LTA4H: variants seen among roughly 807,000 people sequenced by gnomAD.
LTA4H encodes the protein leukotriene A4 hydrolase.
In LTA4H, 59 loss-of-function variants were observed where a neutral mutation model predicts 89.8. The observed-to-expected ratio is 0.66, with a 90% CI of 0.53 to 0.82. LTA4H has a LOEUF of 0.82. Ranked by LOEUF, LTA4H falls within the 40% of genes least tolerant of loss-of-function variation. LTA4H has a pLI of 0.00. For missense variants in LTA4H, 617 were observed against 727.0 expected, an observed-to-expected ratio of 0.85 and a Z score of 1.74; for synonymous variants, 227 against 253.1, an observed-to-expected ratio of 0.90 and a Z score of 0.98.
intron 3 of LTA4H, 131 bp from the exon 4 acceptor site, chr12:96,024,678 T>C (rs1180997280): frequency 1.8e-6 from 1 of 563,344 alleles, no homozygotes; most frequent in East Asian, 3.4e-5. Flanking sequence ...GATTTTTTTT[T>C]TTTTTTTGAG....
At chr12:96,007,701 C>G (rs1446868764) in intron 15 of LTA4H, among the ~76,000 whole-genome samples, 1 of 152,222 alleles carries the variant, frequency 6.6e-6, no homozygotes. Flanking sequence ...CATTATCCAC[C>G]TTAACTGCTG....
chr12:96,021,577 G>A (rs1395963523), intron 5 of LTA4H, among the ~76,000 whole-genome samples: 2 of 151,754 alleles, frequency 1.3e-5, no homozygotes, highest in Non-Finnish European at 2.9e-5. Context: ...AGAGTTACCC[G>A]GCAATAAGTA....
rs754586557 is a variant in LTA4H at position 96,022,109 on chromosome 12, C to G, written c.585+38G>C. The stretch of plus-strand genomic sequence containing the variant: ...TGTGTACAAGCTAACTGTAGTTTAC[C>G]GCCAATGAAAACAAAAATCTAGACC... On this transcript the variant is annotated intron_variant, in intron 5 of 18. Coordinates refer to ENST00000228740, the MANE Select transcript of LTA4H (RefSeq NM_000895.3). This position sits in a 1 kb window ranked among gnomAD's most constrained non-coding sequence, Gnocchi z 4.0. The G allele has an allele frequency of 1.5e-6, 2 of 1,369,352 alleles. No individual in the cohort carries two copies. The highest frequency in any genetic ancestry group is 1.7e-5 in the Admixed American group (1 of 58,396). The allele number at this position is 1,369,352 out of a possible 1,614,324, so 84.8% of individuals were successfully genotyped here.
chr12:96,012,072 TGATAAC>T (rs2136879446), intron 14 of LTA4H: 1 of 152,404 alleles, frequency 6.6e-6, no homozygotes, highest in African/African-American at 2.4e-5. Context: ...CCACAGCCTA[TGATAAC>T]CAGGACTGCC....
At chr12:96,032,334 C>T (rs1279788221) in intron 1 of LTA4H, among the ~76,000 whole-genome samples, 3 of 152,208 alleles carry the variant, frequency 2.0e-5, no homozygotes, top group Admixed American at 6.5e-5. Flanking sequence ...CTCCTGATTC[C>T]GCACTGGCAC....
At position 96,006,322 on chromosome 12, in the gene LTA4H, G is replaced by C; in HGVS notation, c.1522C>G (p.Leu508Val). 6.2e-7 allele frequency: 1 copy of C among 1,604,352 alleles called. No homozygotes were observed. Among genetic ancestry groups the C allele is most frequent in the Non-Finnish European group, 8.5e-7 (1 of 1,173,192 alleles). ...TTTGAGCTAGTACTTACCCTCTGGA[G>C]CGTCTGTGCTAAAAACTCATTCAAT... is the stretch of plus-strand genomic sequence containing the variant. ...HQLNEFLAQT[L>V]QRAPLPLGHI... Residue 508 changes from leucine to valine, a missense_variant, in exon 16 of 19, where the codon CTC (leucine) becomes GTC (valine). By Grantham distance (32) the Leu-to-Val change is conservative (BLOSUM62 1). Around this residue, in one of 3 missense-constraint regions of LTA4H, gnomAD observed 290 missense variants for 339.1 expected, o/e 0.86. Coordinates refer to ENST00000228740, the MANE Select transcript of LTA4H (RefSeq NM_000895.3).
At chr12:96,038,847 C>T (rs1021020850), upstream of LTA4H, among the ~76,000 whole-genome samples, 1 of 149,530 alleles carries the variant, frequency 6.7e-6, no homozygotes. Flanking sequence ...TATTGATTAC[C>T]AGGAACCCAC....
chr12:96,012,838 A>G (rs1234092678), intron 14 of LTA4H: 2 of 188,826 alleles, frequency 1.1e-5, no homozygotes, highest in Non-Finnish European at 2.2e-5. Context: ...AACCTAACTT[A>G]CCTCCTTGGG....
upstream of LTA4H, among the ~76,000 whole-genome samples, chr12:96,036,052 C>T (rs1007454963): frequency 3.9e-5 from 6 of 152,324 alleles, no homozygotes; most frequent in East Asian, 5.8e-4. Flanking sequence ...GTATCCCCGC[C>T]TGTCACGCGG....
At chr12:96,038,709 G>C (rs1337610964), upstream of LTA4H, among the ~76,000 whole-genome samples, 1 of 149,658 alleles carries the variant, frequency 6.7e-6, no homozygotes, top group African/African-American at 2.5e-5. Flanking sequence ...CCAAATCTAG[G>C]GTGACAAATA....
intron 15 of LTA4H, among the ~76,000 whole-genome samples, chr12:96,007,410 A>G (rs1029185245): frequency 6.6e-6 from 1 of 152,206 alleles, no homozygotes; most frequent in African/African-American, 2.4e-5. Context: ...ATTCAGGACA[A>G]TGGTAACCTG....
intron 8 of LTA4H, 76 bp downstream of exon 8, chr12:96,018,687 A>C: frequency 9.4e-7 from 1 of 1,062,732 alleles, no homozygotes; most frequent in East Asian, 2.8e-5. Context: ...ATATATATAC[A>C]TATTATTAGG....
At position 96,013,846 on chromosome 12, in the gene LTA4H, G is replaced by A. The variant is rs1180641814; in HGVS notation, c.1212C>T (p.Phe404=). The A allele has an allele frequency of 7.0e-7, 1 of 1,433,916 alleles. No individual in the cohort carries two copies. The highest frequency in any genetic ancestry group is 9.7e-7 in the Non-Finnish European group (1 of 1,033,650). 88.8% of individuals were successfully genotyped at this position (1,433,916 alleles called of 1,614,324 possible). A position where few individuals can be genotyped will look rare whatever the true frequency, so the allele number is the denominator to read the frequency against. ...CAACATAAGCTTTTAAGAATCCTAG[G>A]AAAATCTCTAAGAGTAAAAAAGAAA... ...LEQLLGGPEI[F]LGFLKAYVEK... is the part of the protein sequence containing the mutation. The change falls in exon 13 of 19, where the codon TTC becomes TTT. Residue 404 remains phenylalanine, a synonymous_variant. Transcript: ENST00000228740.
chr12:96,015,805 T>C, intron 10 of LTA4H, 111 bp from the exon 11 acceptor site: 1 of 717,350 alleles, frequency 1.4e-6, no homozygotes, highest in South Asian at 1.8e-5. Context: ...TTGTAAGGCA[T>C]GACCACTACA....
chr12:96,034,765 G>C (rs188795914), intron 1 of LTA4H, among the ~76,000 whole-genome samples: 8 of 152,350 alleles, frequency 5.3e-5, no homozygotes, highest in African/African-American at 1.9e-4. Flanking sequence ...AACTAGGAGG[G>C]AGACGGATGG....
chr12:96,013,714 C>A (rs757196558), intron 13 of LTA4H, 36 bp downstream of exon 13: 1 of 1,055,774 alleles, frequency 9.5e-7, no homozygotes, highest in South Asian at 1.3e-5. Context: ...AGAGATATAT[C>A]GAGCATGAAA....
In LTA4H at chr12:96,020,186, T is replaced by C. The variant is rs373420674; in HGVS notation, c.638+899A>G. Among the ~76,000 whole-genome samples, 1,176 of 152,304 alleles carry C rather than the reference T, an allele frequency of 7.7e-3. 21 individuals carry two copies. The highest frequency in any genetic ancestry group is 0.027 in the African/African-American group (1,127 of 41,554). On this transcript the variant is annotated intron_variant, in intron 6 of 18. Transcript: ENST00000228740. ...TCCCAAAGTGACGGGATTACAGGCATGAGCCACAGAGCCCAGCCTGTAAGA... is the reference window on the plus strand; with the variant it reads ...TCCCAAAGTGACGGGATTACAGGCACGAGCCACAGAGCCCAGCCTGTAAGA...
chr12:96,024,487 T>A lies in LTA4H; in HGVS notation c.472A>T (p.Thr158Ser), dbSNP rs576678224. ...TAATTCGTAATATTTACCTCTGCAG[T>A]ATAGGTTAATTTCACAGAAGGAGTG... Reference protein sequence around the residue: ...QDTPSVKLTYTAEVSVPKELV... With the variant: ...QDTPSVKLTYSAEVSVPKELV... Residue 158 changes from threonine to serine, a missense_variant, in exon 4 of 19, where the codon ACT becomes TCT. Physicochemically the swap from Thr to Ser is moderately conservative, Grantham distance 58 (BLOSUM62 1). Around this residue, in one of 3 missense-constraint regions of LTA4H, gnomAD observed 172 missense variants for 244.5 expected, o/e 0.70. Coordinates refer to ENST00000228740, the MANE Select transcript of LTA4H (RefSeq NM_000895.3). The A allele has an allele frequency of 2.9e-5, 47 of 1,598,158 alleles. No individual in the cohort carries two copies. In the South Asian group the frequency reaches 5.1e-4, roughly 17 times the overall value.
At position 96,035,425 on chromosome 12, in the gene LTA4H, C is replaced by G; in HGVS notation, c.95G>C (p.Arg32Pro). ...AGCAGCAGTCCCGGTCAGCGTCCGG[C>G]GAGTAAAGTCGACGCTGCAGCGCAG... is the stretch of plus-strand genomic sequence containing the variant. ...LHLRCSVDFT[R>P]RTLTGTAALT... Residue 32 changes from arginine to proline, a missense_variant, in exon 1 of 19, where the codon CGC (arginine) becomes CCC (proline). Physicochemically the swap from Arg to Pro is moderately radical, Grantham distance 103. Coordinates refer to ENST00000228740, the MANE Select transcript of LTA4H (RefSeq NM_000895.3). 1 of 1,610,364 alleles carries G rather than the reference C, an allele frequency of 6.2e-7. No individual in the cohort carries two copies. Among genetic ancestry groups the G allele is most frequent in the Non-Finnish European group, 8.5e-7 (1 of 1,178,446 alleles).
Sources: allele counts gnomAD v4.1 joint callset (sites outside exome capture counted in the v4.1 genomes callset), GRCh38; gene constraint gnomAD v4.1.1; regional missense constraint gnomAD v4.1.1; non-coding constraint Gnocchi (gnomAD v3.1); transcripts MANE v1.5; gene names NCBI Gene and HGNC (gene_info 2026-07-23, HGNC 2026-07-21).